LOC400499: variants seen among roughly 807,000 people sequenced by gnomAD.
the LOC400499 span, among the ~76,000 whole-genome samples, chr16:11,496,553 G>T: frequency 6.6e-6 from 1 of 152,150 alleles, no homozygotes; most frequent in Admixed American, 6.5e-5. Context: ...GTGTCTCAGC[G>T]CACTCGAGTA....
At chr16:11,464,263 C>T in the LOC400499 span, among the ~76,000 whole-genome samples, 15 of 152,254 alleles carry the variant, frequency 9.9e-5, no homozygotes, top group African/African-American at 3.6e-4. Flanking sequence ...GATGCTCGCT[C>T]TCCACTCTGC....
chr16:11,457,168 G>T, the LOC400499 span: 1 of 857,444 alleles, frequency 1.2e-6, no homozygotes, highest in Non-Finnish European at 1.7e-6. Context: ...AACGGGAGTG[G>T]AACGCAGTCC....
At chr16:11,453,812 GAAAAAGAA>G in the LOC400499 span, among the ~76,000 whole-genome samples, 1 of 150,984 alleles carries the variant, frequency 6.6e-6, no homozygotes, top group South Asian at 2.1e-4. Flanking sequence ...CCAAAAAAAA[GAAAAAGAA>G]AAAAAGAAAA....
chr16:11,377,815 A>C, the LOC400499 span, among the ~76,000 whole-genome samples: 1 of 152,166 alleles, frequency 6.6e-6, no homozygotes, highest in Non-Finnish European at 1.5e-5. Context: ...TCACAGAGTG[A>C]GTTTGGAGGT....
chr16:11,500,821 T>C, the LOC400499 span: 6 of 399,016 alleles, frequency 1.5e-5, no homozygotes, highest in African/African-American at 1.0e-4. Flanking sequence ...ATGTGGACCA[T>C]AGCATCTGTG....
At chr16:11,488,852 C>T in the LOC400499 span, 1 of 398,782 alleles carries the variant, frequency 2.5e-6, no homozygotes, top group Admixed American at 4.4e-5. Context: ...GATGTGACTC[C>T]ACACAAAAGA....
chr16:11,465,937 CAT>C, the LOC400499 span, among the ~76,000 whole-genome samples: 1 of 152,232 alleles, frequency 6.6e-6, no homozygotes, highest in African/African-American at 2.4e-5. Flanking sequence ...AGAGAAAAAA[CAT>C]ATAAACCTTG....
chr16:11,503,881 C>T, the LOC400499 span, among the ~76,000 whole-genome samples: 5 of 152,360 alleles, frequency 3.3e-5, no homozygotes, highest in East Asian at 5.8e-4. Context: ...GACTCTATTG[C>T]CCAGTTTGGG....
chr16:11,433,827 G>A, the LOC400499 span, among the ~76,000 whole-genome samples: 3 of 152,336 alleles, frequency 2.0e-5, no homozygotes, highest in Admixed American at 6.5e-5. Context: ...CAGAGAGGGC[G>A]GGGAAGCCCA....
At chr16:11,427,269 A>G in the LOC400499 span, among the ~76,000 whole-genome samples, 1 of 150,498 alleles carries the variant, frequency 6.6e-6, no homozygotes, top group Non-Finnish European at 1.5e-5. Flanking sequence ...AGGCTGAGGC[A>G]CAAGAATCGC....
chr16:11,384,177 C>T, the LOC400499 span: 1 of 1,221,742 alleles, frequency 8.2e-7, no homozygotes, highest in Non-Finnish European at 1.0e-6. Flanking sequence ...CCCTCAAGAA[C>T]CTCAGCTGGA....
the LOC400499 span, among the ~76,000 whole-genome samples, chr16:11,463,164 C>T: frequency 1.3e-5 from 2 of 152,226 alleles, no homozygotes; most frequent in Admixed American, 1.3e-4. Context: ...TCACTACACA[C>T]TCCACGGCCC....
chr16:11,420,515 A>T, the LOC400499 span, among the ~76,000 whole-genome samples: 3 of 150,994 alleles, frequency 2.0e-5, no homozygotes, highest in African/African-American at 7.3e-5. Flanking sequence ...TAATGGGTGC[A>T]GCACACCAGC....
At chr16:11,433,339 C>T in the LOC400499 span, among the ~76,000 whole-genome samples, 3 of 152,164 alleles carry the variant, frequency 2.0e-5, no homozygotes, top group African/African-American at 7.2e-5. Context: ...ACAAGGTTAT[C>T]TAGGACCATG....
the LOC400499 span, chr16:11,411,118 C>G: frequency 7.6e-6 from 3 of 397,306 alleles, no homozygotes; most frequent in Non-Finnish European, 1.3e-5. Context: ...GGGTTGCCCA[C>G]CGGAGCCTGC....
the LOC400499 span, among the ~76,000 whole-genome samples, chr16:11,474,963 G>C: frequency 1.2e-4 from 19 of 152,208 alleles, no homozygotes; most frequent in African/African-American, 4.3e-4. Flanking sequence ...GCCTTCTCTT[G>C]TTCCTAAGCA....
At chr16:11,473,611 C>T in the LOC400499 span, among the ~76,000 whole-genome samples, 362 of 152,122 alleles carry the variant, frequency 2.4e-3, 1 homozygote, top group African/African-American at 8.2e-3. Flanking sequence ...AAAAATTAGC[C>T]GGGCTTGGTG....
the LOC400499 span, among the ~76,000 whole-genome samples, chr16:11,506,229 T>A: frequency 6.6e-6 from 1 of 152,124 alleles, no homozygotes. Context: ...TTCACCATGT[T>A]GGCCAGGCTG....
the LOC400499 span, among the ~76,000 whole-genome samples, chr16:11,433,918 A>G: frequency 1.3e-5 from 2 of 152,346 alleles, no homozygotes; most frequent in South Asian, 2.1e-4. Flanking sequence ...ATCAATGAAT[A>G]AATATATGTA....
Sources: allele counts gnomAD v4.1 joint callset (sites outside exome capture counted in the v4.1 genomes callset), GRCh38; gene constraint gnomAD v4.1.1; transcripts MANE v1.5.